The following ABCB4 variants were observed in gnomAD, a reference collection of about 807,000 sequenced individuals.
ABCB4 encodes the protein ATP binding cassette subfamily B member 4, also known as phosphatidylcholine translocator ABCB4.
In ABCB4, 76 loss-of-function variants were observed where a neutral mutation model predicts 145.7. The ratio of observed to expected loss-of-function variants is 0.52; its 90% CI spans 0.43 to 0.63. ABCB4 has a LOEUF of 0.63. Among genes scored for constraint, ABCB4 ranks in the 30% least tolerant of loss-of-function variants. The probability of loss-of-function intolerance (pLI) is 0.00; values close to 1 mark genes in which losing one functional copy is unlikely to be tolerated. For missense variants in ABCB4, 1,234 were observed against 1,553.1 expected (o/e 0.79, Z 3.45); for synonymous variants, 517 against 566.8 (o/e 0.91, Z 1.25).
chr7:87,401,856 A>G lies in ABCB4; in HGVS notation c.*240T>C. On this transcript the variant is annotated 3_prime_UTR_variant, in exon 28 of 28. Transcript: ENST00000649586. ...ACCTTGAATTTTGTTCTTTTTCTGG[A>G]TGTTTCTAATAACTTAGGGAGAGCT... 1.5e-6 allele frequency: 1 copy of G among 658,684 alleles called. No homozygotes were observed. The highest frequency in any genetic ancestry group is 2.7e-6 in the Non-Finnish European group (1 of 363,966). The allele number at this position is 658,684 out of a possible 1,614,324, so 40.8% of individuals were successfully genotyped here.
At chr7:87,385,608 A>T in the ABCB4 span, among the ~76,000 whole-genome samples, 1 of 152,146 alleles carries the variant, frequency 6.6e-6, no homozygotes, top group African/African-American at 2.4e-5. Flanking sequence ...TAAGTATTAG[A>T]TCATGTCATC....
intron 16 of ABCB4, among the ~76,000 whole-genome samples, chr7:87,424,955 T>C (rs919940901): frequency 4.6e-5 from 7 of 152,144 alleles, no homozygotes; most frequent in Non-Finnish European, 8.8e-5. Flanking sequence ...AGAAAGGTTA[T>C]ATTTATATCT....
At chr7:87,433,927 G>A (rs898373909) in intron 14 of ABCB4, among the ~76,000 whole-genome samples, 7 of 150,098 alleles carry the variant, frequency 4.7e-5, no homozygotes, top group Non-Finnish European at 8.9e-5. Flanking sequence ...TAAAATCACC[G>A]TTTTCATTCT....
Position 87,475,448 on chromosome 7 carries a change from T to A in ABCB4, c.18A>T (p.Ala6=). The part of the protein sequence containing the change: MDLEA[A]KNGTAWRPTS... ...TGGGGCGCCAGGCTGTTCCGTTCTT[T>A]GCCGCCTCAAGATCCATCTCAGCCT... Residue 6 remains alanine, a synonymous_variant, in exon 2 of 28, where the codon GCA becomes GCT. Transcript: ENST00000649586. The A allele has an allele frequency of 6.2e-7, 1 of 1,614,174 alleles. No individual in the cohort carries two copies. Among genetic ancestry groups the A allele is most frequent in the Non-Finnish European group, 8.5e-7 (1 of 1,180,030 alleles).
chr7:87,428,787 T>G (rs1810009328), intron 15 of ABCB4, among the ~76,000 whole-genome samples: 5 of 152,202 alleles, frequency 3.3e-5, no homozygotes. Context: ...TAGTTAAATT[T>G]GAAGATACTG....
At chr7:87,453,785 A>G (rs569940502) in intron 5 of ABCB4, among the ~76,000 whole-genome samples, 5 of 152,288 alleles carry the variant, frequency 3.3e-5, no homozygotes, top group African/African-American at 1.2e-4. Context: ...AGACTTGTAT[A>G]TCTTATTGTA....
Position 87,446,019 on chromosome 7 carries a change from T to C in ABCB4, c.1005+1015A>G, listed in dbSNP as rs182988633. On this transcript the variant is annotated intron_variant, in intron 9 of 27. Transcript: ENST00000649586. ...ACCTCCCTTCTTCATAAAACATCAA[T>C]AGTAAATGAGGAAGTGAAGAAAGGG... Among the ~76,000 whole-genome samples the C allele has an allele frequency of 3.9e-5, 6 of 152,090 alleles. No individual in the cohort carries two copies. In the East Asian group the frequency reaches 5.8e-4, roughly 15 times the overall value.
At chr7:87,384,396 G>A in the ABCB4 span, among the ~76,000 whole-genome samples, 3 of 152,100 alleles carry the variant, frequency 2.0e-5, no homozygotes, top group Non-Finnish European at 4.4e-5. Context: ...GCCTGATGTA[G>A]GGGCACATAT....
intron 14 of ABCB4, among the ~76,000 whole-genome samples, chr7:87,438,102 A>G (rs962785934): frequency 6.6e-6 from 1 of 152,202 alleles, no homozygotes; most frequent in African/African-American, 2.4e-5. Context: ...GAATATCTGT[A>G]TCCTGGAAAT....
chr7:87,394,555 TA>T, the ABCB4 span, among the ~76,000 whole-genome samples: 51 of 148,674 alleles, frequency 3.4e-4, no homozygotes, highest in Middle Eastern at 3.4e-3. Flanking sequence ...AAGTACTATT[TA>T]AAAAAAAAAA....
At chr7:87,417,571 C>CTTGGT in intron 20 of ABCB4, 56 bp from the exon 21 acceptor site, 1 of 1,400,032 alleles carries the variant, frequency 7.1e-7, no homozygotes, top group Non-Finnish European at 1.0e-6. Context: ...TGCATGCGCT[C>CTTGGT]CAGCCTTAGC....
chr7:87,371,443 A>AT, the ABCB4 span, among the ~76,000 whole-genome samples: 1 of 152,348 alleles, frequency 6.6e-6, no homozygotes, highest in East Asian at 1.9e-4. Context: ...TCTTTATGAT[A>AT]TGACATTAAA....
In ABCB4 at chr7:87,431,690, C is replaced by A. The variant is rs1810247585; in HGVS notation, c.1732-125G>T. 12 of 1,294,542 alleles carry A rather than the reference C, an allele frequency of 9.3e-6. No homozygotes were observed. The South Asian group carries it at 1.4e-4, about 16-fold the overall frequency. The allele number at this position is 1,294,542 out of a possible 1,614,324, so 80.2% of individuals were successfully genotyped here. On this transcript the variant is annotated intron_variant, in intron 14 of 27. Coordinates refer to ENST00000649586, the MANE Select transcript of ABCB4 (RefSeq NM_000443.4). Reference sequence around the variant, plus strand: ...TTAGAGAGTAGTTTATACTCCAGATCTCTGCGTGATTATGGCAAAGGCATC... The same window carrying A: ...TTAGAGAGTAGTTTATACTCCAGATATCTGCGTGATTATGGCAAAGGCATC...
intron 9 of ABCB4, 86 bp from the exon 10 acceptor site, chr7:87,445,061 A>G: frequency 1.1e-6 from 1 of 886,734 alleles, no homozygotes; most frequent in South Asian, 1.5e-5. Flanking sequence ...AACATAGTAC[A>G]TAAAGGATTA....
the ABCB4 span, among the ~76,000 whole-genome samples, chr7:87,390,790 T>C: frequency 6.6e-6 from 1 of 152,254 alleles, no homozygotes; most frequent in East Asian, 1.9e-4. Flanking sequence ...GACTCTGTAT[T>C]ACCTATTTCT....
the ABCB4 span, chr7:87,375,831 C>A: frequency 6.2e-7 from 1 of 1,613,256 alleles, no homozygotes; most frequent in Non-Finnish European, 8.5e-7. Flanking sequence ...CCTTTAGGCA[C>A]GAGAATATCT....
chr7:87,431,891 C>CT (rs1167720841), intron 14 of ABCB4, among the ~76,000 whole-genome samples: 5 of 152,162 alleles, frequency 3.3e-5, no homozygotes, highest in African/African-American at 1.2e-4. Flanking sequence ...AGCCCTAGCT[C>CT]TAAGTTATAT....
rs532587787 is a variant in ABCB4, at chr7:87,403,369, A to G, written c.3487-88T>C. On this transcript the variant is annotated intron_variant, in intron 26 of 27. Coordinates refer to ENST00000649586, the MANE Select transcript of ABCB4 (RefSeq NM_000443.4). ...TTTACAAGAAAAACATTTAGAGTCA[A>G]TAACAGTTTCTATAACGTTGTTTCA... is the stretch of plus-strand genomic sequence containing the variant. The G allele has an allele frequency of 3.8e-4, 480 of 1,267,848 alleles. 1 individual carries two copies. Among genetic ancestry groups the G allele is most frequent in the Admixed American group, 8.7e-4 (51 of 58,602 alleles). The allele number at this position is 1,267,848 out of a possible 1,614,324, so 78.5% of individuals were successfully genotyped here. A position where few individuals can be genotyped will look rare whatever the true frequency, so the allele number is the denominator to read the frequency against.
At chr7:87,439,328 G>C (rs1017449960) in intron 14 of ABCB4, among the ~76,000 whole-genome samples, 9 of 152,196 alleles carry the variant, frequency 5.9e-5, no homozygotes, top group African/African-American at 2.2e-4. Flanking sequence ...AGCTGGACCA[G>C]TGTCTGGGTA....
Sources: gnomAD v4.1 joint callset for allele counts (sites outside exome capture counted in the v4.1 genomes callset) on GRCh38, gnomAD v4.1.1 for gene constraint, MANE v1.5 for transcripts, NCBI Gene and HGNC (gene_info 2026-07-23, HGNC 2026-07-21) for gene names.